The following MIA3 variants were observed in gnomAD, a reference collection of about 807,000 sequenced individuals.
MIA3 encodes transport and Golgi organization protein 1 homolog.
Under a neutral mutation model 192.4 loss-of-function variants are expected in MIA3, and 90 were observed. That is an observed-to-expected ratio of 0.47 (90% CI 0.39 to 0.56). The LOEUF (loss-of-function observed/expected upper bound fraction) is 0.56. Among genes scored for constraint, MIA3 ranks in the 20% least tolerant of loss-of-function variants. MIA3 has a pLI of 0.00. For missense variants in MIA3, 2,123 were observed against 2,269.4 expected, an observed-to-expected ratio of 0.94 and a Z score of 1.31; for synonymous variants, 740 against 792.8, an observed-to-expected ratio of 0.93 and a Z score of 1.12.
chr1:222,654,680 C>A lies in MIA3; in HGVS notation c.4494C>A (p.Asp1498Glu). Residue 1498 changes from aspartate (D) to glutamate (E), a missense_variant, in exon 18 of 28, where the codon GAC (aspartate) becomes GAA (glutamate). This residue lies in a region of MIA3 where 762 missense variants were observed against 856.4 expected (regional missense o/e 0.89). Coordinates refer to ENST00000344922, the MANE Select transcript of MIA3 (RefSeq NM_198551.4). ...LEDQVKKLED[D>E]RNSLQAAKAG... Reference sequence around the variant, plus strand: ...ACCAGGTAAAGAAATTGGAAGATGACCGCAACTCACTACAAGCTGCCAAAG... The same window carrying A: ...ACCAGGTAAAGAAATTGGAAGATGAACGCAACTCACTACAAGCTGCCAAAG... 1 of 1,614,050 alleles carries A rather than the reference C, an allele frequency of 6.2e-7. No individual in the cohort carries two copies. Among genetic ancestry groups the A allele is most frequent in the South Asian group, 1.1e-5 (1 of 91,078 alleles).
intron 6 of MIA3, chr1:222,644,260 G>T: frequency 7.3e-7 from 1 of 1,368,314 alleles, no homozygotes; most frequent in Non-Finnish European, 9.5e-7. Context: ...CTCGCCGGCC[G>T]GCTCCTTTGG....
In MIA3 at chr1:222,664,139, CCA is replaced by C; in HGVS notation, c.5406_5407del (p.Pro1803LeufsTer40). The C allele has an allele frequency of 3.1e-6, 5 of 1,614,140 alleles. No individual in the cohort carries two copies. The highest frequency in any genetic ancestry group is 4.2e-6 in the Non-Finnish European group (5 of 1,179,990). ...CGPFGPRPLP[P>X]PFGPGMRPPL... The stretch of plus-strand genomic sequence containing the variant: ...ACCTTTTGGGCCTCGGCCACTTCCT[CCA>C]CCCTTTGGTAAGATGATCTGAACAG... On this transcript the variant is annotated frameshift_variant, in exon 27 of 28. Coordinates refer to ENST00000344922, the MANE Select transcript of MIA3 (RefSeq NM_198551.4). LOFTEE classifies it low-confidence loss of function (END_TRUNC).
At chr1:222,620,400 G>C (rs1661802273) in intron 1 of MIA3, among the ~76,000 whole-genome samples, 1 of 152,282 alleles carries the variant, frequency 6.6e-6, no homozygotes, top group East Asian at 1.9e-4. Flanking sequence ...ATGAGATGTC[G>C]ACTTTTGATT....
At chr1:222,624,631 G>A (rs568561405) in intron 2 of MIA3, 137 bp from the exon 3 acceptor site, 6 of 576,568 alleles carry the variant, frequency 1.0e-5, no homozygotes, top group African/African-American at 3.8e-5. Context: ...CTCAAATAGC[G>A]GAGAAAAGTA....
intron 26 of MIA3, 34 bp from the exon 27 acceptor site, chr1:222,663,964 G>C (rs139658833): frequency 1.3e-6 from 2 of 1,583,192 alleles, no homozygotes; most frequent in East Asian, 4.5e-5. Flanking sequence ...TCATACCATA[G>C]TATTTCAAAA....
chr1:222,655,071 G>C (rs1436956556), intron 18 of MIA3, among the ~76,000 whole-genome samples: 1 of 152,184 alleles, frequency 6.6e-6, no homozygotes, highest in Non-Finnish European at 1.5e-5. Flanking sequence ...TTGAAGATCT[G>C]GCCATGCCTT....
intron 6 of MIA3, chr1:222,641,430 G>A: frequency 2.0e-6 from 1 of 490,062 alleles, no homozygotes. Context: ...CTTAGCAGTA[G>A]CCTGAGCTGC....
intron 6 of MIA3, among the ~76,000 whole-genome samples, chr1:222,644,960 A>G (rs1159551347): frequency 6.6e-6 from 1 of 152,168 alleles, no homozygotes; most frequent in East Asian, 1.9e-4. Context: ...ACAGGTGTTT[A>G]ATGCACTGTT....
chr1:222,664,838 A>G (rs1236396721), intron 27 of MIA3: 2 of 365,054 alleles, frequency 5.5e-6, no homozygotes, highest in East Asian at 9.0e-5. Flanking sequence ...TCTTCTTGGT[A>G]TGGTATATAG....
intron 8 of MIA3, chr1:222,649,457 T>A (rs1663308312): frequency 6.6e-6 from 1 of 152,432 alleles, no homozygotes; most frequent in Non-Finnish European, 1.5e-5. Flanking sequence ...ATTAATCTGT[T>A]CTCACACTGC....
At chr1:222,623,176 C>A (rs1017628929) in intron 2 of MIA3, among the ~76,000 whole-genome samples, 7 of 152,090 alleles carry the variant, frequency 4.6e-5, no homozygotes, top group African/African-American at 1.4e-4. Context: ...TTCCCTCCTA[C>A]CCCCCGCCCA....
At chr1:222,656,742 GC>G (rs1415012949) in intron 18 of MIA3, among the ~76,000 whole-genome samples, 1 of 151,838 alleles carries the variant, frequency 6.6e-6, no homozygotes, top group Non-Finnish European at 1.5e-5. Context: ...CCTACCCCTC[GC>G]CCAATGCCTC....
chr1:222,638,867 G>A (rs958208007), intron 6 of MIA3, among the ~76,000 whole-genome samples: 8 of 151,972 alleles, frequency 5.3e-5, no homozygotes, highest in Non-Finnish European at 8.8e-5. Context: ...AAAAAGAAAA[G>A]CAAATTAATC....
chr1:222,660,117 A>C, intron 23 of MIA3, 60 bp from the exon 24 acceptor site: 1 of 1,596,188 alleles, frequency 6.3e-7, no homozygotes, highest in South Asian at 1.1e-5. Flanking sequence ...AATAATCCCA[A>C]GAACTGAATA....
Position 222,648,421 on chromosome 1 carries a change from C to T in MIA3, c.3610-408C>T, listed in dbSNP as rs113052607. ...TTTCCTCAGAGTCTTTTTGAGTAGTCGTTGTTTTTAGATTTCTTTCTGGCT... is the reference window on the plus strand; with the variant it reads ...TTTCCTCAGAGTCTTTTTGAGTAGTTGTTGTTTTTAGATTTCTTTCTGGCT... On this transcript the variant is annotated intron_variant, in intron 7 of 27. Transcript: ENST00000344922. Among the ~76,000 whole-genome samples the T allele has an allele frequency of 2.5e-3, 377 of 152,156 alleles. 2 individuals carry two copies. Among genetic ancestry groups the T allele is most frequent in the African/African-American group, 8.8e-3 (367 of 41,518 alleles).
At position 222,635,479 on chromosome 1, in the gene MIA3, A is replaced by G. The variant is rs995734051; in HGVS notation, c.3477+2230A>G. 7.9e-5 allele frequency among the ~76,000 whole-genome samples: 12 copies of G among 152,312 alleles called. 1 individual carries two copies. Among genetic ancestry groups the G allele is most frequent in the South Asian group, 4.1e-4 (2 of 4,826 alleles). ...TGTCAAAAGAGCATTTTGATGGCTA[A>G]ATATGTACCAGAAATTGTGCTAGGA... is the stretch of plus-strand genomic sequence containing the variant. On this transcript the variant is annotated intron_variant, in intron 6 of 27. Coordinates refer to ENST00000344922, the MANE Select transcript of MIA3 (RefSeq NM_198551.4).
rs769434639 is a variant in MIA3, at chr1:222,628,258, C to T, written c.1038C>T (p.Gly346=). The T allele has an allele frequency of 1.4e-5, 23 of 1,613,944 alleles. No homozygotes were observed. The Admixed American group carries it at 1.5e-4, about 11-fold the overall frequency. The stretch of plus-strand genomic sequence containing the variant: ...ATATGAAAACTCCAGCAAAGTCTGG[C>T]GTTGAGAAATATCCAACAGATAAAG... ...GEDMKTPAKS[G]VEKYPTDKEQ... The change falls in exon 4 of 28, where the codon GGC becomes GGT. Residue 346 remains glycine (G), a synonymous_variant. Coordinates refer to ENST00000344922, the MANE Select transcript of MIA3 (RefSeq NM_198551.4).
In MIA3 at chr1:222,652,231, C is replaced by A; in HGVS notation, c.3985C>A (p.Gln1329Lys). 2 of 1,611,052 alleles carry A rather than the reference C, an allele frequency of 1.2e-6. No homozygotes were observed. Among genetic ancestry groups the A allele is most frequent in the South Asian group, 2.2e-5 (2 of 90,976 alleles). ...SMNASEFSEV[Q>K]IALNEAKLSE... Reference sequence around the variant, plus strand: ...TAATAGGAGTGTTTTGCATTAGGTTCAGATTGCACTTAATGAAGCTAAGCT... The same window carrying A: ...TAATAGGAGTGTTTTGCATTAGGTTAAGATTGCACTTAATGAAGCTAAGCT... Residue 1329 changes from glutamine to lysine, a missense_variant, in exon 13 of 28, where the codon CAG becomes AAG. Transcript: ENST00000344922.
In MIA3 at chr1:222,659,728, C is replaced by T. The variant is rs748738562; in HGVS notation, c.4807-6C>T. 1 of 1,613,886 alleles carries T rather than the reference C, an allele frequency of 6.2e-7. No individual in the cohort carries two copies. Among genetic ancestry groups the T allele is most frequent in the Non-Finnish European group, 8.5e-7 (1 of 1,179,922 alleles). On this transcript the variant is annotated splice_region_variant and splice_polypyrimidine_tract_variant and intron_variant, in intron 21 of 27. Transcript: ENST00000344922. ...ACAACTGAATTTGGATATTTTTCTT[C>T]AATAGCTCAAAGCTCGTGCTGCAGA...
Sources: gnomAD v4.1 joint callset for allele counts (sites outside exome capture counted in the v4.1 genomes callset) on GRCh38, gnomAD v4.1.1 for gene constraint, gnomAD v4.1.1 regional missense constraint, MANE v1.5 for transcripts, NCBI Gene and HGNC (gene_info 2026-07-23, HGNC 2026-07-21) for gene names.